The following NKAIN2 variants were observed in gnomAD, a reference collection of about 807,000 sequenced individuals.
NKAIN2 encodes the protein sodium/potassium-transporting ATPase subunit beta-1-interacting protein 2.
A neutral mutation model predicts 32.6 loss-of-function variants in NKAIN2; 14 were observed. The observed-to-expected ratio is 0.43, with a 90% confidence interval of 0.28 to 0.67. The LOEUF (loss-of-function observed/expected upper bound fraction) is 0.67. Among genes scored for constraint, NKAIN2 ranks in the 30% least tolerant of loss-of-function variants. NKAIN2 has a pLI of 0.17. For synonymous variants in NKAIN2, 80 were observed against 87.2 expected (o/e 0.92, Z 0.46); for missense variants, 198 against 258.3 (o/e 0.77, Z 1.60).
chr6:123,998,653 T>A (rs1276881112), intron 1 of NKAIN2, among the ~76,000 whole-genome samples: 1 of 151,928 alleles, frequency 6.6e-6, no homozygotes, highest in Non-Finnish European at 1.5e-5. Flanking sequence ...TCTTGTCTTA[T>A]TATGATTCAC....
At chr6:124,217,459 G>T (rs1441345907) in intron 1 of NKAIN2, among the ~76,000 whole-genome samples, 1 of 152,006 alleles carries the variant, frequency 6.6e-6, no homozygotes, top group Non-Finnish European at 1.5e-5. Flanking sequence ...TTCAGGGGGT[G>T]TTTTGGTGAG....
At chr6:124,814,789 T>C (rs1781071087) in intron 5 of NKAIN2, among the ~76,000 whole-genome samples, 1 of 152,180 alleles carries the variant, frequency 6.6e-6, no homozygotes, top group African/African-American at 2.4e-5. Flanking sequence ...AGATTCATCT[T>C]GTTTTCTTCA....
At chr6:124,569,614 G>T (rs1473061381) in intron 3 of NKAIN2, among the ~76,000 whole-genome samples, 1 of 152,114 alleles carries the variant, frequency 6.6e-6, no homozygotes, top group Non-Finnish European at 1.5e-5. Context: ...TTCTGCTTTT[G>T]CTTCTTCCTC....
intron 1 of NKAIN2, among the ~76,000 whole-genome samples, chr6:124,266,572 C>T (rs986651336): frequency 6.6e-6 from 1 of 152,184 alleles, no homozygotes; most frequent in Non-Finnish European, 1.5e-5. Flanking sequence ...AGCCACCATA[C>T]CAGGACTGAT....
At chr6:123,911,808 TATATACACACAC>T (rs1418223708) in intron 1 of NKAIN2, among the ~76,000 whole-genome samples, 1 of 101,342 alleles carries the variant, frequency 9.9e-6, no homozygotes, top group African/African-American at 4.7e-5. Context: ...TATGTATATA[TATATACACACAC>T]ACACACACAC....
intron 1 of NKAIN2, among the ~76,000 whole-genome samples, chr6:124,206,902 G>C (rs1790914126): frequency 6.6e-6 from 1 of 151,516 alleles, no homozygotes; most frequent in Non-Finnish European, 1.5e-5. Flanking sequence ...ATTTCCTCTA[G>C]GTCCAAAATA....
rs534180812 is a variant in NKAIN2 at position 124,190,251 on chromosome 6, A to G, written c.55-92754A>G. 3.9e-5 allele frequency among the ~76,000 whole-genome samples: 6 copies of G among 152,350 alleles called. No individual in the cohort carries two copies. In the South Asian group the frequency reaches 1.2e-3, roughly 32 times the overall value. On this transcript the variant is annotated intron_variant, in intron 1 of 6. Coordinates refer to ENST00000368417, the MANE Select transcript of NKAIN2 (RefSeq NM_001040214.3). ...TGTAGAGTAGGTTTAATTATTAGAT[A>G]TTACAGGGTTATCCTGAGGCTCAAA... is the stretch of plus-strand genomic sequence containing the variant.
intron 1 of NKAIN2, among the ~76,000 whole-genome samples, chr6:124,232,966 C>T (rs1398561168): frequency 6.6e-6 from 1 of 152,088 alleles, no homozygotes; most frequent in Non-Finnish European, 1.5e-5. Context: ...GCTGATTCCT[C>T]AGAGCAGGGA....
intron 1 of NKAIN2, among the ~76,000 whole-genome samples, chr6:123,903,510 G>T (rs1305728044): frequency 6.6e-6 from 1 of 152,058 alleles, no homozygotes; most frequent in Non-Finnish European, 1.5e-5. Context: ...AATGGCCCTG[G>T]GTGTTACTAT....
intron 3 of NKAIN2, among the ~76,000 whole-genome samples, chr6:124,471,295 T>A (rs977318112): frequency 2.0e-5 from 3 of 152,170 alleles, no homozygotes; most frequent in East Asian, 1.9e-4. Flanking sequence ...ATAATAAAAA[T>A]TTTTAAATAT....
At position 124,271,249 on chromosome 6, in the gene NKAIN2, G is replaced by T. The variant is rs369382829; in HGVS notation, c.55-11756G>T. 1.1e-4 allele frequency among the ~76,000 whole-genome samples: 16 copies of T among 152,106 alleles called. No individual in the cohort carries two copies. In the East Asian group the frequency reaches 2.1e-3, roughly 20 times the overall value. ...TTATTTTTTTTTGAGACAGAGTCTT[G>T]CTTGTCACCCAGGCTGGAGTGCAGT... On this transcript the variant is annotated intron_variant, in intron 1 of 6. Coordinates refer to ENST00000368417, the MANE Select transcript of NKAIN2 (RefSeq NM_001040214.3).
At chr6:124,534,742 C>CCAACTCTT in intron 3 of NKAIN2, among the ~76,000 whole-genome samples, 1 of 152,252 alleles carries the variant, frequency 6.6e-6, no homozygotes, top group Non-Finnish European at 1.5e-5. Flanking sequence ...TGGCTAACTC[C>CCAACTCTT]TTCATGAAGC....
chr6:124,444,398 G>A (rs1426951546), intron 3 of NKAIN2, among the ~76,000 whole-genome samples: 1 of 152,006 alleles, frequency 6.6e-6, no homozygotes, highest in Non-Finnish European at 1.5e-5. Context: ...CCAGACTCAT[G>A]TTTAACTAGC....
rs150523886 is a variant in NKAIN2, at chr6:124,076,354, C to T, written c.55-206651C>T. On this transcript the variant is annotated intron_variant, in intron 1 of 6. Coordinates refer to ENST00000368417, the MANE Select transcript of NKAIN2 (RefSeq NM_001040214.3). Reference sequence around the variant, plus strand: ...GAAAAGAAGCTTGGCTTGAGAGAAACGGAAGAGGGAGTTGAGGTGATTGAC... The same window carrying T: ...GAAAAGAAGCTTGGCTTGAGAGAAATGGAAGAGGGAGTTGAGGTGATTGAC... 5.7e-4 allele frequency among the ~76,000 whole-genome samples: 87 copies of T among 152,192 alleles called. 1 individual carries two copies. The East Asian group carries it at 0.015, about 27-fold the overall frequency.
chr6:124,718,058 T>G (rs1295469055), intron 4 of NKAIN2, among the ~76,000 whole-genome samples: 1 of 152,024 alleles, frequency 6.6e-6, no homozygotes, highest in Non-Finnish European at 1.5e-5. Context: ...GCACGTTGTC[T>G]TTTTTTTAAC....
At chr6:124,425,208 A>T (rs1014007116) in intron 3 of NKAIN2, among the ~76,000 whole-genome samples, 4 of 152,182 alleles carry the variant, frequency 2.6e-5, no homozygotes, top group African/African-American at 9.7e-5. Flanking sequence ...AGGTTACATG[A>T]ACATTGAAGA....
chr6:124,001,069 G>T (rs978860242), intron 1 of NKAIN2, among the ~76,000 whole-genome samples: 1 of 152,010 alleles, frequency 6.6e-6, no homozygotes, highest in Non-Finnish European at 1.5e-5. Flanking sequence ...AGTGGAATTG[G>T]AATGTGAAAA....
At chr6:124,216,093 G>A (rs1411539711) in intron 1 of NKAIN2, among the ~76,000 whole-genome samples, 5 of 150,046 alleles carry the variant, frequency 3.3e-5, no homozygotes, top group Middle Eastern at 3.2e-3. Context: ...ACTCCAGCCT[G>A]GGTGACAGAG....
chr6:124,454,887 T>C (rs759128715), intron 3 of NKAIN2, among the ~76,000 whole-genome samples: 1 of 152,038 alleles, frequency 6.6e-6, no homozygotes. Flanking sequence ...TATTGGATAC[T>C]GCATTTAAGA....
Sources: allele counts gnomAD v4.1 joint callset (sites outside exome capture counted in the v4.1 genomes callset), GRCh38; gene constraint gnomAD v4.1.1; transcripts MANE v1.5; gene names NCBI Gene and HGNC (gene_info 2026-07-23, HGNC 2026-07-21).